The following NCAPH2 variants were observed in gnomAD, a reference collection of about 807,000 sequenced individuals.
NCAPH2 encodes the protein non-SMC condensin II complex subunit H2, also known as condensin-2 complex subunit H2.
In NCAPH2, 56 loss-of-function variants were observed where a neutral mutation model predicts 88.6. The ratio of observed to expected loss-of-function variants is 0.63; its 90% CI spans 0.51 to 0.79. The LOEUF (loss-of-function observed/expected upper bound fraction) is 0.79, where lower values mean the gene tolerates loss of function less well. NCAPH2 is among the 30% of genes least tolerant of loss of function. The pLI is 0.00. For missense variants in NCAPH2, 794 were observed against 792.0 expected (o/e 1.00, Z -0.03); for synonymous variants, 378 against 313.6 (o/e 1.21, Z -2.17).
At position 50,523,698 on chromosome 22, in the gene NCAPH2, C is replaced by T. The variant is rs754644513; in HGVS notation, c.*323C>T. 61 of 1,614,062 alleles carry T rather than the reference C, an allele frequency of 3.8e-5. No homozygotes were observed. The highest frequency in any genetic ancestry group is 1.6e-4 in the Middle Eastern group (1 of 6,084). ...CCGATCTGCTCCGGCCGTAGTAATCCGTGAAGAGGCCGTCAGGGTTGAGCA... is the reference window on the plus strand; with the variant it reads ...CCGATCTGCTCCGGCCGTAGTAATCTGTGAAGAGGCCGTCAGGGTTGAGCA... On this transcript the variant is annotated 3_prime_UTR_variant, in exon 20 of 20. Coordinates refer to ENST00000420993, the MANE Select transcript of NCAPH2 (RefSeq NM_152299.4).
Position 50,519,196 on chromosome 22 carries a change from C to G in NCAPH2, c.737C>G (p.Ser246Cys), listed in dbSNP as rs35941723. 4,442 of 1,608,984 alleles carry G rather than the reference C, an allele frequency of 2.8e-3. 118 individuals are homozygous for G. In the African/African-American group the frequency reaches 0.054, roughly 19 times the overall value. The part of the protein sequence containing the change: ...ALGFSQEPGP[S>C]PEGPMPLGGG... Reference sequence around the variant, plus strand: ...TCTCTTGCTCCCTGCCTAGGCCCCTCTCCAGAAGGCCCGATGCCCCTGGGT... The same window carrying G: ...TCTCTTGCTCCCTGCCTAGGCCCCTGTCCAGAAGGCCCGATGCCCCTGGGT... Residue 246 changes from serine (S) to cysteine (C), a missense_variant, in exon 9 of 20, where the codon TCT (serine) becomes TGT (cysteine). By Grantham distance (112) the Ser-to-Cys change is moderately radical (BLOSUM62 -1). This residue lies in a region of NCAPH2 where 735 missense variants were observed against 696.3 expected (regional missense o/e 1.06). Transcript: ENST00000420993.
Position 50,518,015 on chromosome 22 carries a change from C to A in NCAPH2, c.463C>A (p.Pro155Thr). 6.2e-7 allele frequency: 1 copy of A among 1,614,026 alleles called. No individual in the cohort carries two copies. The highest frequency in any genetic ancestry group is 1.1e-5 in the South Asian group (1 of 91,068). ...IPLLPMALVA[P>T]DEMEKNNNPL... is the part of the protein sequence containing the mutation. The stretch of plus-strand genomic sequence containing the variant: ...CCTCCTGCCCATGGCCCTGGTGGCC[C>A]CTGATGAAATGGAGAAGAACAACAA... Residue 155 changes from proline to threonine, a missense_variant, in exon 6 of 20, where the codon CCT (proline) becomes ACT (threonine). By Grantham distance (38) the Pro-to-Thr change is conservative. Transcript: ENST00000420993.
At chr22:50,513,481 G>T (rs1290217059) in intron 1 of NCAPH2, among the ~76,000 whole-genome samples, 1 of 152,136 alleles carries the variant, frequency 6.6e-6, no homozygotes, top group Non-Finnish European at 1.5e-5. Context: ...CACTTAGGGA[G>T]GCCGAGGTGG....
rs2068906467 is a variant in NCAPH2 at position 50,515,844 on chromosome 22, A to G, written c.109-603A>G. On this transcript the variant is annotated intron_variant, in intron 1 of 19. Transcript: ENST00000420993. ...TGTGGACAGCTATGAATGCAGCCCC[A>G]GAGCTAAGGAGAGAGAGCTGGTCGG... 20 of 1,243,310 alleles carry G rather than the reference A, an allele frequency of 1.6e-5. No homozygotes were observed. The South Asian group carries it at 2.6e-4, about 16-fold the overall frequency. The allele number at this position is 1,243,310 out of a possible 1,614,324, so 77.0% of individuals were successfully genotyped here.
At chr22:50,514,111 A>G (rs945517076) in intron 1 of NCAPH2, among the ~76,000 whole-genome samples, 1 of 152,084 alleles carries the variant, frequency 6.6e-6, no homozygotes, top group African/African-American at 2.4e-5. Flanking sequence ...CGTCTCAAAC[A>G]AAACAAAACA....
chr22:50,516,121 C>T (rs1002025190), intron 1 of NCAPH2, among the ~76,000 whole-genome samples: 1 of 152,158 alleles, frequency 6.6e-6, no homozygotes, highest in Non-Finnish European at 1.5e-5. Flanking sequence ...CCCTTTTCTT[C>T]TCTGTGTCGG....
At position 50,519,826 on chromosome 22, in the gene NCAPH2, A is replaced by G. The variant is rs550240281; in HGVS notation, c.861+506A>G. The stretch of plus-strand genomic sequence containing the variant: ...CATGGATATTTGTCATATTCTATTC[A>G]TTTTTCCTAGTTTTGAAGAAGAGTA... On this transcript the variant is annotated intron_variant, in intron 9 of 19. Transcript: ENST00000420993. 7.8e-4 allele frequency: 709 copies of G among 903,938 alleles called. 15 individuals carry two copies. The South Asian group carries it at 0.032, about 41-fold the overall frequency. The allele number at this position is 903,938 out of a possible 1,614,324, so 56.0% of individuals were successfully genotyped here.
At chr22:50,519,443 G>A in intron 9 of NCAPH2, 123 bp downstream of exon 9, 1 of 1,467,054 alleles carries the variant, frequency 6.8e-7, no homozygotes, top group Non-Finnish European at 9.0e-7. Flanking sequence ...CTGGTCTGGG[G>A]CAGAAGCCCA....
intron 1 of NCAPH2, among the ~76,000 whole-genome samples, chr22:50,516,008 A>G (rs147631384): frequency 3.3e-5 from 3 of 89,710 alleles, no homozygotes; most frequent in Non-Finnish European, 6.5e-5. Flanking sequence ...GGCTGAGGGG[A>G]GCAGAGGAAG....
In NCAPH2 at chr22:50,524,648, C is replaced by G; in HGVS notation, c.*1273C>G. On this transcript the variant is annotated 3_prime_UTR_variant, in exon 20 of 20. Coordinates refer to ENST00000420993, the MANE Select transcript of NCAPH2 (RefSeq NM_152299.4). ...CCTGTCCTCTACCTGGGATCACCAG[C>G]CTGTCACCGCACCCTGCCCTGCACC... 1.4e-6 allele frequency: 1 copy of G among 698,588 alleles called. No homozygotes were observed. Among genetic ancestry groups the G allele is most frequent in the Non-Finnish European group, 2.7e-6 (1 of 373,238 alleles). 43.3% of individuals were successfully genotyped at this position (698,588 alleles called of 1,614,324 possible).
rs1203727873 is a variant in NCAPH2 at position 50,521,583 on chromosome 22, C to G, written c.974C>G (p.Ser325Cys). 1 of 1,613,560 alleles carries G rather than the reference C, an allele frequency of 6.2e-7. No individual in the cohort carries two copies. Among genetic ancestry groups the G allele is most frequent in the Non-Finnish European group, 8.5e-7 (1 of 1,180,020 alleles). The part of the protein sequence containing the change: ...DPWQSLDPFD[S>C]LESKPFKKGR... ...TGGCAGAGCCTGGACCCCTTTGACT[C>G]CTTGGAGTCTAAGCCCTTCAAGAAA... Residue 325 changes from serine (S) to cysteine (C), a missense_variant, in exon 11 of 20, where the codon TCC becomes TGC. Transcript: ENST00000420993.
intron 9 of NCAPH2, chr22:50,520,753 G>A (rs2069064498): frequency 3.7e-6 from 2 of 533,604 alleles, no homozygotes; most frequent in South Asian, 2.4e-5. Flanking sequence ...GTAGAGGCGG[G>A]GGTTTCACCA....
intron 17 of NCAPH2, 27 bp downstream of exon 17, chr22:50,522,747 G>C: frequency 6.3e-7 from 1 of 1,598,776 alleles, no homozygotes; most frequent in Non-Finnish European, 8.6e-7. Context: ...GGGAGACGGG[G>C]AGGGGAGGGG....
chr22:50,524,683 G>A lies in NCAPH2; in HGVS notation c.*1308G>A, dbSNP rs1262415606. ...CACCCTGCCCTGCACCTGCACCTCA[G>A]CAAGGTGAACCTCTTGCTGACGGAA... On this transcript the variant is annotated 3_prime_UTR_variant, in exon 20 of 20. Coordinates refer to ENST00000420993, the MANE Select transcript of NCAPH2 (RefSeq NM_152299.4). The A allele has an allele frequency of 3.0e-6, 2 of 672,820 alleles. No individual in the cohort carries two copies. The highest frequency in any genetic ancestry group is 5.6e-6 in the Non-Finnish European group (2 of 356,768). The allele number at this position is 672,820 out of a possible 1,614,324, so 41.7% of individuals were successfully genotyped here. A position where few individuals can be genotyped will look rare whatever the true frequency, so the allele number is the denominator to read the frequency against.
intron 12 of NCAPH2, 67 bp from the exon 13 acceptor site, chr22:50,521,919 C>T: frequency 3.7e-6 from 6 of 1,613,452 alleles, no homozygotes; most frequent in Non-Finnish European, 5.1e-6. Context: ...GGAGGAGGAT[C>T]AGCACCCTTT....
At chr22:50,520,318 C>A (rs905227637) in intron 9 of NCAPH2, 2 of 151,018 alleles carry the variant, frequency 1.3e-5, no homozygotes, top group African/African-American at 4.9e-5. Context: ...GTGGCCTGAT[C>A]TTGGCTCATT....
At position 50,524,165 on chromosome 22, in the gene NCAPH2, CCTT is replaced by C. The variant is rs757005556; in HGVS notation, c.*793_*795del. 51 of 1,610,488 alleles carry C rather than the reference CCTT, an allele frequency of 3.2e-5. No individual in the cohort carries two copies. The highest frequency in any genetic ancestry group is 1.7e-4 in the Middle Eastern group (1 of 6,042). On this transcript the variant is annotated 3_prime_UTR_variant, in exon 20 of 20. Transcript: ENST00000420993. Reference sequence around the variant, plus strand: ...GTTCGCTTTTGCTGCTGCAGCCTCTCCTTCTCAGCCCTCAGGGCCAGCCAGGCC... The same window carrying C: ...GTTCGCTTTTGCTGCTGCAGCCTCTCCTCAGCCCTCAGGGCCAGCCAGGCC...
chr22:50,509,030 C>G (rs1258795498), intron 1 of NCAPH2, among the ~76,000 whole-genome samples: 1 of 152,206 alleles, frequency 6.6e-6, no homozygotes, highest in Non-Finnish European at 1.5e-5. Flanking sequence ...GATCTCCATT[C>G]TACCAAATCC....
chr22:50,514,085 T>C (rs2068854859), intron 1 of NCAPH2, among the ~76,000 whole-genome samples: 1 of 152,076 alleles, frequency 6.6e-6, no homozygotes, highest in South Asian at 2.1e-4. Context: ...CCAGCTTGGG[T>C]GACAGAGTGA....
Sources: allele counts gnomAD v4.1 joint callset (sites outside exome capture counted in the v4.1 genomes callset), GRCh38; gene constraint gnomAD v4.1.1; regional missense constraint gnomAD v4.1.1; transcripts MANE v1.5; gene names NCBI Gene and HGNC (gene_info 2026-07-23, HGNC 2026-07-21).